AKT2: variants seen among roughly 807,000 people sequenced by gnomAD.
The protein encoded by AKT2 is AKT serine/threonine kinase 2.
Under a neutral mutation model 58.6 loss-of-function variants are expected in AKT2, and 16 were observed. That is an observed-to-expected ratio of 0.27 (90% CI 0.18 to 0.41). The LOEUF (loss-of-function observed/expected upper bound fraction) is 0.41, where lower values mean the gene tolerates loss of function less well. Ranked by LOEUF, AKT2 falls within the 10% of genes least tolerant of loss-of-function variation. The pLI is 1.00. For missense variants in AKT2, 438 were observed against 661.0 expected (o/e 0.66, Z 3.70); for synonymous variants, 253 against 254.0 (o/e 1.00, Z 0.04).
chr19:40,241,748 G>A (rs547359773), intron 6 of AKT2, 190 bp downstream of exon 6: 3 of 845,614 alleles, frequency 3.5e-6, no homozygotes, highest in East Asian at 2.8e-5. Context: ...TAGGGTGGAG[G>A]TGGGGACTCA....
intron 6 of AKT2, 72 bp from the exon 7 acceptor site, chr19:40,240,182 G>T: frequency 6.8e-7 from 1 of 1,460,930 alleles, no homozygotes; most frequent in Non-Finnish European, 9.6e-7. Context: ...ACGAAGGGGA[G>T]CAAGGCCTTG....
intron 4 of AKT2, among the ~76,000 whole-genome samples, chr19:40,252,464 T>G (rs1227976180): frequency 6.6e-6 from 1 of 152,172 alleles, no homozygotes; most frequent in African/African-American, 2.4e-5. Flanking sequence ...CTAAAACACC[T>G]TGTCAGCTCC....
At chr19:40,254,587 G>C (rs1231823075) in intron 4 of AKT2, among the ~76,000 whole-genome samples, 1 of 151,974 alleles carries the variant, frequency 6.6e-6, no homozygotes, top group Non-Finnish European at 1.5e-5. Context: ...CAGCATTTTG[G>C]GAGGCCGAGG....
chr19:40,238,063 A>G lies in AKT2; in HGVS notation c.737T>C (p.Val246Ala). The G allele has an allele frequency of 6.2e-7, 1 of 1,605,394 alleles. No homozygotes were observed. Among genetic ancestry groups the G allele is most frequent in the Non-Finnish European group, 8.5e-7 (1 of 1,176,098 alleles). Reference protein sequence around the residue: ...ELFFHLSRERVFTEERARFYG... With the variant: ...ELFFHLSRERAFTEERARFYG... ...AAACCGGGCCCGCTCCTCTGTGAAG[A>G]CACGCTCCCGGGACAGGTGGAAGAA... The change falls in exon 9 of 14, where the codon GTC becomes GCC. Residue 246 changes from valine to alanine, a missense_variant. Physicochemically the swap from Val to Ala is moderately conservative, Grantham distance 64. This residue lies in a region of AKT2 where 244 missense variants were observed against 347.1 expected (regional missense o/e 0.70). Transcript: ENST00000392038. The surrounding 1 kb of genome is among the most constrained non-coding windows in gnomAD (Gnocchi z 5.1).
rs745995487 is a variant in AKT2, at chr19:40,234,992, C to T, written c.1366+53G>A. ...TGAGAAGTGAGTTAAGAGCAGATCC[C>T]ATCCCTCCACCCCTGGGGCAGGCAC... On this transcript the variant is annotated intron_variant, in intron 13 of 13. Coordinates refer to ENST00000392038, the MANE Select transcript of AKT2 (RefSeq NM_001626.6). The surrounding 1 kb of genome is among the most constrained non-coding windows in gnomAD (Gnocchi z 4.7). The T allele has an allele frequency of 6.7e-7, 1 of 1,488,478 alleles. No homozygotes were observed. Among genetic ancestry groups the T allele is most frequent in the South Asian group, 1.1e-5 (1 of 88,374 alleles). The allele number at this position is 1,488,478 out of a possible 1,614,324, so 92.2% of individuals were successfully genotyped here.
In AKT2 at chr19:40,231,474, T is replaced by C. The variant is rs771708507; in HGVS notation, c.*2398A>G. On this transcript the variant is annotated 3_prime_UTR_variant, in exon 14 of 14. Coordinates refer to ENST00000392038, the MANE Select transcript of AKT2 (RefSeq NM_001626.6). ...ACCCCAACCAAACGAGTCCTAGCTG[T>C]AGCTAACTCTGATTTCTGTAAATTG... 1 of 233,230 alleles carries C rather than the reference T, an allele frequency of 4.3e-6. No homozygotes were observed. Among genetic ancestry groups the C allele is most frequent in the African/African-American group, 2.2e-5 (1 of 45,366 alleles). 14.4% of individuals were successfully genotyped at this position (233,230 alleles called of 1,614,324 possible). A position where few individuals can be genotyped will look rare whatever the true frequency, so the allele number is the denominator to read the frequency against.
intron 6 of AKT2, 33 bp from the exon 7 acceptor site, chr19:40,240,143 G>A (rs750055119): frequency 1.7e-5 from 27 of 1,609,586 alleles, no homozygotes; most frequent in Admixed American, 1.2e-4. Flanking sequence ...GGGCTGGTGG[G>A]CAACACCACA....
chr19:40,281,507 A>AG (rs2077423663), intron 1 of AKT2, among the ~76,000 whole-genome samples: 1 of 151,874 alleles, frequency 6.6e-6, no homozygotes, highest in African/African-American at 2.4e-5. Context: ...AAAAAAAAAA[A>AG]CAAGCACAGA....
intron 1 of AKT2, among the ~76,000 whole-genome samples, chr19:40,278,904 AG>A (rs1190793118): frequency 6.6e-6 from 1 of 151,838 alleles, no homozygotes; most frequent in Non-Finnish European, 1.5e-5. Context: ...TGCCAAGAGC[AG>A]GGTTCTCACC....
chr19:40,241,267 T>A (rs953249608), intron 6 of AKT2: 2 of 158,574 alleles, frequency 1.3e-5, no homozygotes, highest in Non-Finnish European at 2.8e-5. Flanking sequence ...AATCGTCACA[T>A]CAGGAATGAA....
rs1199412829 is a variant in AKT2 at position 40,231,491 on chromosome 19, T to C, written c.*2381A>G. 1 of 233,204 alleles carries C rather than the reference T, an allele frequency of 4.3e-6. No homozygotes were observed. The highest frequency in any genetic ancestry group is 8.5e-6 in the Non-Finnish European group (1 of 118,070). The allele number at this position is 233,204 out of a possible 1,614,324, so 14.4% of individuals were successfully genotyped here. A position where few individuals can be genotyped will look rare whatever the true frequency, so the allele number is the denominator to read the frequency against. On this transcript the variant is annotated 3_prime_UTR_variant, in exon 14 of 14. Transcript: ENST00000392038. ...CCTAGCTGTAGCTAACTCTGATTTC[T>C]GTAAATTGGATCTGACTTTTTCTGC...
Position 40,262,816 on chromosome 19 carries a change from C to T in AKT2, c.46+2406G>A, listed in dbSNP as rs541249507. Among the ~76,000 whole-genome samples, 7 of 152,322 alleles carry T rather than the reference C, an allele frequency of 4.6e-5. No individual in the cohort carries two copies. The East Asian group carries it at 7.7e-4, about 17-fold the overall frequency. Reference sequence around the variant, plus strand: ...AGAGCAGAGACAGGTGTCTGGCACACAGTAAGTGCTCAGTAAACCAGCACT... The same window carrying T: ...AGAGCAGAGACAGGTGTCTGGCACATAGTAAGTGCTCAGTAAACCAGCACT... On this transcript the variant is annotated intron_variant, in intron 2 of 13. Transcript: ENST00000392038.
At chr19:40,252,859 C>A (rs1014028667) in intron 4 of AKT2, among the ~76,000 whole-genome samples, 1 of 152,198 alleles carries the variant, frequency 6.6e-6, no homozygotes, top group African/African-American at 2.4e-5. Flanking sequence ...CCACTGGTCT[C>A]GATCTGTTTT....
intron 4 of AKT2, among the ~76,000 whole-genome samples, chr19:40,254,527 C>CAA (rs746776836): frequency 2.4e-5 from 3 of 125,520 alleles, no homozygotes; most frequent in Non-Finnish European, 1.7e-5. Flanking sequence ...GACTCTGTCT[C>CAA]AAAAAAAAAA....
At chr19:40,239,185 C>A in intron 7 of AKT2, 1 of 557,148 alleles carries the variant, frequency 1.8e-6, no homozygotes, top group Non-Finnish European at 3.2e-6. Context: ...GGGTTACATG[C>A]TGAACCATCT....
chr19:40,258,938 C>T (rs965788885), intron 2 of AKT2, among the ~76,000 whole-genome samples: 2 of 152,018 alleles, frequency 1.3e-5, no homozygotes, highest in Non-Finnish European at 2.9e-5. Context: ...TTTCAAAGGG[C>T]CCCAAAGAGC....
chr19:40,235,280 C>T lies in AKT2; in HGVS notation c.1246G>A (p.Asp416Asn), dbSNP rs771065673. Reference sequence around the variant, plus strand: ...GGGCTCACCTTCTTCTGGACCACGTCCTGCCAGTTGATGCTGAGGAAGAAC... The same window carrying T: ...GGGCTCACCTTCTTCTGGACCACGTTCTGCCAGTTGATGCTGAGGAAGAAC... ...HRFFLSINWQ[D>N]VVQKKLLPPF... The change falls in exon 12 of 14, where the codon GAC becomes AAC. Residue 416 changes from aspartate (D) to asparagine (N), a missense_variant. By Grantham distance (23) the Asp-to-Asn change is conservative. Around this residue, in one of 3 missense-constraint regions of AKT2, gnomAD observed 148 missense variants for 199.5 expected, o/e 0.74. Transcript: ENST00000392038. This position sits in a 1 kb window ranked among gnomAD's most constrained non-coding sequence, Gnocchi z 6.3. The T allele has an allele frequency of 1.0e-4, 163 of 1,613,938 alleles. No homozygotes were observed. The highest frequency in any genetic ancestry group is 1.2e-4 in the Non-Finnish European group (145 of 1,180,006).
At chr19:40,272,122 C>G (rs2077226253) in intron 1 of AKT2, among the ~76,000 whole-genome samples, 1 of 152,256 alleles carries the variant, frequency 6.6e-6, no homozygotes, top group Non-Finnish European at 1.5e-5. Context: ...GACACTCCTA[C>G]TGTTTCTATG....
intron 3 of AKT2, among the ~76,000 whole-genome samples, chr19:40,256,405 G>A (rs1975545676): frequency 6.6e-6 from 1 of 152,192 alleles, no homozygotes; most frequent in East Asian, 1.9e-4. Context: ...AAGGGGCAGC[G>A]ATGTGGACAG....
Sources: allele counts gnomAD v4.1 joint callset (sites outside exome capture counted in the v4.1 genomes callset), GRCh38; gene constraint gnomAD v4.1.1; regional missense constraint gnomAD v4.1.1; non-coding constraint Gnocchi (gnomAD v3.1); transcripts MANE v1.5; gene names NCBI Gene and HGNC (gene_info 2026-07-23, HGNC 2026-07-21).